Variants in ZFP2 observed in about 807,000 individuals in gnomAD.
The protein encoded by ZFP2 is zinc finger protein ZFP2.
A neutral mutation model predicts 36.1 loss-of-function variants in ZFP2; 33 were observed. The ratio of observed to expected loss-of-function variants is 0.92; its 90% CI spans 0.69 to 1.22. The LOEUF (loss-of-function observed/expected upper bound fraction) is 1.22. ZFP2 is among the 50% of genes most tolerant of loss of function. The probability of loss-of-function intolerance (pLI) is 0.00; values close to 1 mark genes in which losing one functional copy is unlikely to be tolerated. For synonymous variants in ZFP2, 170 were observed against 178.0 expected, an observed-to-expected ratio of 0.96 and a Z score of 0.36; for missense variants, 522 against 551.4, an observed-to-expected ratio of 0.95 and a Z score of 0.53.
At chr5:178,904,775 T>C (rs1470927700) in intron 1 of ZFP2, among the ~76,000 whole-genome samples, 1 of 147,216 alleles carries the variant, frequency 6.8e-6, no homozygotes, top group Non-Finnish European at 1.5e-5. Context: ...TGATTTTGGC[T>C]CACTGCAACC....
intron 3 of ZFP2, among the ~76,000 whole-genome samples, chr5:178,914,482 G>T: frequency 6.6e-6 from 1 of 152,140 alleles, no homozygotes; most frequent in East Asian, 1.9e-4. Context: ...TTTTATTACA[G>T]ATTTCTATGG....
At chr5:178,928,870 A>G (rs1758755143) in intron 4 of ZFP2, among the ~76,000 whole-genome samples, 1 of 152,234 alleles carries the variant, frequency 6.6e-6, no homozygotes, top group Admixed American at 6.5e-5. Context: ...CCCCTGCAGC[A>G]GGCTTCTACC....
rs1262768739 is a variant in ZFP2 at position 178,932,399 on chromosome 5, T to C, written c.1086T>C (p.His362=). 11 of 1,613,862 alleles carry C rather than the reference T, an allele frequency of 6.8e-6. No homozygotes were observed. The highest frequency in any genetic ancestry group is 9.3e-6 in the Non-Finnish European group (11 of 1,180,014). The change falls in exon 5 of 5, where the codon CAT becomes CAC. Residue 362 remains histidine (H), a synonymous_variant. Transcript: ENST00000361362. ...ATGAGTGTATGGTGTGTGGAAAACA[T>C]TTCACTGGACGATCATCCCTTACCG... ...KPYECMVCGK[H]FTGRSSLTVH... is the part of the protein sequence containing the mutation.
intron 1 of ZFP2, among the ~76,000 whole-genome samples, chr5:178,897,589 TA>T (rs1757969077): frequency 6.6e-6 from 1 of 152,234 alleles, no homozygotes; most frequent in Admixed American, 6.5e-5. Flanking sequence ...ACAAGTTACT[TA>T]GTAATTTTTT....
intron 1 of ZFP2, chr5:178,910,055 A>C: frequency 6.8e-7 from 1 of 1,474,254 alleles, no homozygotes; most frequent in Non-Finnish European, 9.5e-7. Context: ...AGTCCAGGCC[A>C]AACTGAAATG....
At chr5:178,901,473 T>C (rs1441120900) in intron 1 of ZFP2, among the ~76,000 whole-genome samples, 3 of 152,224 alleles carry the variant, frequency 2.0e-5, no homozygotes, top group Non-Finnish European at 2.9e-5. Flanking sequence ...CTTCCTTTAC[T>C]CTTCCTAGCT....
chr5:178,906,203 G>A (rs1032501618), intron 1 of ZFP2, among the ~76,000 whole-genome samples: 6 of 152,204 alleles, frequency 3.9e-5, no homozygotes, highest in African/African-American at 1.4e-4. Flanking sequence ...AGGGTTTAGG[G>A]AAGCAAGGAA....
intron 3 of ZFP2, chr5:178,913,858 CTTTTTTTTTT>C (rs1217671563): frequency 3.9e-5 from 5 of 129,748 alleles, no homozygotes; most frequent in African/African-American, 1.4e-4. Context: ...CTTTTTTTTT[CTTTTTTTTTT>C]TTTTTTGAGA....
At chr5:178,926,225 C>T (rs1384043905) in intron 4 of ZFP2, among the ~76,000 whole-genome samples, 1 of 150,574 alleles carries the variant, frequency 6.6e-6, no homozygotes, top group African/African-American at 2.4e-5. Context: ...TTCTTTTGGT[C>T]TTTATACTTC....
In ZFP2 at chr5:178,931,740, T is replaced by C. The variant is rs1269111850; in HGVS notation, c.427T>C (p.Ser143Pro). ...NVCGKHFIER[S>P]SLTVHQRIHT... ...ATGTGGGAAACACTTCATTGAACGA[T>C]CCTCCCTTACTGTACATCAAAGAAT... The change falls in exon 5 of 5, where the codon TCC (serine) becomes CCC (proline). Residue 143 changes from serine (S) to proline (P), a missense_variant. Coordinates refer to ENST00000361362, the MANE Select transcript of ZFP2 (RefSeq NM_030613.4). 6.2e-7 allele frequency: 1 copy of C among 1,614,028 alleles called. No individual in the cohort carries two copies. The highest frequency in any genetic ancestry group is 8.5e-7 in the Non-Finnish European group (1 of 1,180,006).
At chr5:178,911,967 C>G (rs1450464373) in intron 1 of ZFP2, among the ~76,000 whole-genome samples, 1 of 152,106 alleles carries the variant, frequency 6.6e-6, no homozygotes, top group Admixed American at 6.6e-5. Context: ...GAAACTCCAT[C>G]TCTACTAAAA....
chr5:178,896,249 A>T (rs1487266229), intron 1 of ZFP2, among the ~76,000 whole-genome samples: 3 of 152,180 alleles, frequency 2.0e-5, no homozygotes, highest in Non-Finnish European at 4.4e-5. Flanking sequence ...AGGTGGAATC[A>T]CAGCCCCGGA....
intron 3 of ZFP2, 29 bp downstream of exon 3, chr5:178,913,100 A>C (rs1250012382): frequency 1.0e-6 from 1 of 977,084 alleles, no homozygotes; most frequent in Non-Finnish European, 1.2e-6. Context: ...AGACTTGTTA[A>C]ATGAGTGTGT....
At chr5:178,905,644 G>A (rs1370948631) in intron 1 of ZFP2, among the ~76,000 whole-genome samples, 1 of 145,322 alleles carries the variant, frequency 6.9e-6, no homozygotes, top group East Asian at 1.9e-4. Flanking sequence ...GTAGTGCTAG[G>A]GGGAAAATGA....
chr5:178,920,928 CTA>C (rs1302439779), intron 4 of ZFP2, among the ~76,000 whole-genome samples: 1 of 152,140 alleles, frequency 6.6e-6, no homozygotes, highest in Non-Finnish European at 1.5e-5. Context: ...TTATAAAACT[CTA>C]TGTCTTCTTG....
chr5:178,928,653 C>T (rs149736469), intron 4 of ZFP2, among the ~76,000 whole-genome samples: 194 of 152,318 alleles, frequency 1.3e-3, no homozygotes, highest in African/African-American at 4.4e-3. Context: ...GTGTTCAGTC[C>T]CTGCAGTGCT....
At position 178,929,945 on chromosome 5, in the gene ZFP2, G is replaced by C. The variant is rs10051284; in HGVS notation, c.-77-1292G>C. Among the ~76,000 whole-genome samples, 13 of 141,068 alleles carry C rather than the reference G, an allele frequency of 9.2e-5. 1 individual carries two copies. Among genetic ancestry groups the C allele is most frequent in the East Asian group, 2.0e-4 (1 of 4,882 alleles). 92.5% of individuals were successfully genotyped at this position (141,068 alleles called of 152,430 possible). A position where few individuals can be genotyped will look rare whatever the true frequency, so the allele number is the denominator to read the frequency against. On this transcript the variant is annotated intron_variant, in intron 4 of 4. Transcript: ENST00000361362. ...AGTGCCAGCATCTGCTTGACGGTGG[G>C]GGGGGGGGCTCAGGAGGCTTACAGT...
chr5:178,932,264 G>A lies in ZFP2; in HGVS notation c.951G>A (p.Gln317=), dbSNP rs756009999. Residue 317 remains glutamine, a synonymous_variant, in exon 5 of 5, where the codon CAG becomes CAA. Transcript: ENST00000361362. ...FSQSTYLIEH[Q]RLHSGVKPFE... is the part of the protein sequence containing the mutation. ...AAAGTACATATCTTATAGAACATCAGAGACTTCATTCTGGAGTAAAACCTT... is the reference window on the plus strand; with the variant it reads ...AAAGTACATATCTTATAGAACATCAAAGACTTCATTCTGGAGTAAAACCTT... 39 of 1,614,034 alleles carry A rather than the reference G, an allele frequency of 2.4e-5. No individual in the cohort carries two copies. The highest frequency in any genetic ancestry group is 3.1e-5 in the Non-Finnish European group (37 of 1,180,028).
chr5:178,920,233 T>C (rs1273544793), intron 4 of ZFP2, among the ~76,000 whole-genome samples: 1 of 152,230 alleles, frequency 6.6e-6, no homozygotes, highest in Non-Finnish European at 1.5e-5. Flanking sequence ...GATTGAATAA[T>C]TTCTTTTAAT....
Sources: allele counts gnomAD v4.1 joint callset (sites outside exome capture counted in the v4.1 genomes callset), GRCh38; gene constraint gnomAD v4.1.1; transcripts MANE v1.5; gene names NCBI Gene and HGNC (gene_info 2026-07-23, HGNC 2026-07-21).